The following MED14 variants were observed in gnomAD, a reference collection of about 807,000 sequenced individuals.
MED14 encodes the protein mediator of RNA polymerase II transcription subunit 14.
Under a neutral mutation model 109.0 loss-of-function variants are expected in MED14, and 8 were observed. That is an observed-to-expected ratio of 0.07 (90% confidence interval 0.04 to 0.13). MED14 has a LOEUF of 0.13. MED14 is among the 10% of genes least tolerant of loss of function. The pLI is 1.00. For missense variants in MED14, 711 were observed against 1,142.4 expected (o/e 0.62, Z 5.44); for synonymous variants, 399 against 408.7 (o/e 0.98, Z 0.29).
At chrX:40,693,386 G>A (rs1420498688) in intron 13 of MED14, among the ~76,000 whole-genome samples, 1 of 110,813 alleles carries the variant, frequency 9.0e-6, no homozygotes, top group Non-Finnish European at 1.9e-5. Context: ...TAGTGAATGG[G>A]TCTCACGAAA....
intron 3 of MED14, among the ~76,000 whole-genome samples, chrX:40,716,234 G>A (rs771650606): frequency 1.8e-5 from 2 of 110,954 alleles, no homozygotes; most frequent in Non-Finnish European, 3.8e-5. Context: ...GAACCCTCAC[G>A]CTGTTGGTGG....
At chrX:40,655,778 G>A (rs1433532661) in intron 28 of MED14, among the ~76,000 whole-genome samples, 1 of 111,702 alleles carries the variant, frequency 9.0e-6, no homozygotes, top group Non-Finnish European at 1.9e-5. Flanking sequence ...CAAATGTTGA[G>A]ACTATTAGCA....
rs562857879 is a variant in MED14, at chrX:40,676,262, C to T, written c.2881-901G>A. 2.6e-4 allele frequency among the ~76,000 whole-genome samples: 29 copies of T among 111,744 alleles called. No homozygotes were observed. The Middle Eastern group carries it at 0.019, about 72-fold the overall frequency. On this transcript the variant is annotated intron_variant, in intron 21 of 30. Transcript: ENST00000324817. ...TCCCACCACTGCGCTCCAGCCTGGGCGACAGAGTGAGACCCTGTCTCAAAA... is the reference window on the plus strand; with the variant it reads ...TCCCACCACTGCGCTCCAGCCTGGGTGACAGAGTGAGACCCTGTCTCAAAA...
chrX:40,668,120 C>T (rs958720894), intron 23 of MED14, among the ~76,000 whole-genome samples: 3 of 111,646 alleles, frequency 2.7e-5, no homozygotes, highest in African/African-American at 9.8e-5. Context: ...TGGTGGCTCA[C>T]GCCTGTAATC....
chrX:40,714,827 A>C, intron 3 of MED14, 117 bp from the exon 4 acceptor site: 1 of 642,968 alleles, frequency 1.6e-6, no homozygotes, highest in South Asian at 4.0e-5. Context: ...AGTTTTCCAT[A>C]TTTCAAAGTA....
At chrX:40,712,889 A>T in intron 6 of MED14, 25 bp downstream of exon 6, 1 of 1,118,978 alleles carries the variant, frequency 8.9e-7, no homozygotes, top group South Asian at 2.2e-5. Context: ...AATACTTATG[A>T]TTTAAATCAC....
intron 21 of MED14, among the ~76,000 whole-genome samples, chrX:40,676,349 T>TC (rs767552785): frequency 5.5e-4 from 62 of 111,755 alleles, no homozygotes; most frequent in Non-Finnish European, 1.1e-4. Flanking sequence ...TTGCATTCTT[T>TC]CCCCACTAAA....
chrX:40,667,760 A>G (rs937421726), intron 23 of MED14, among the ~76,000 whole-genome samples: 1 of 112,408 alleles, frequency 8.9e-6, no homozygotes, highest in African/African-American at 3.2e-5. Context: ...AAACAACTGC[A>G]ATAATTCAGG....
At chrX:40,686,287 A>T (rs1410367384) in intron 16 of MED14, among the ~76,000 whole-genome samples, 1 of 111,937 alleles carries the variant, frequency 8.9e-6, no homozygotes, top group African/African-American at 3.2e-5. Context: ...AGGAGACTGA[A>T]ATTTCTCTTG....
chrX:40,700,073 C>T (rs1049499500), intron 12 of MED14, among the ~76,000 whole-genome samples: 6 of 110,579 alleles, frequency 5.4e-5, no homozygotes, highest in Non-Finnish European at 1.1e-4. Flanking sequence ...CCCTTGAACC[C>T]GGGAGGGAGA....
chrX:40,650,846 C>T lies in MED14; in HGVS notation c.*960G>A. ...GCAAGATAAAGAAAGCTCACAGAAA[C>T]TTCATGCAGAGGTACAGCATTAAAG... On this transcript the variant is annotated 3_prime_UTR_variant, in exon 31 of 31. Transcript: ENST00000324817. The T allele has an allele frequency of 1.3e-6, 1 of 752,518 alleles. No individual in the cohort carries two copies. Among genetic ancestry groups the T allele is most frequent in the Non-Finnish European group, 1.6e-6 (1 of 637,558 alleles). The allele number at this position is 752,518 out of a possible 1,213,427, so 62.0% of individuals were successfully genotyped here. A position where few individuals can be genotyped will look rare whatever the true frequency, so the allele number is the denominator to read the frequency against.
intron 13 of MED14, 64 bp downstream of exon 13, chrX:40,696,960 T>A: frequency 1.1e-6 from 1 of 916,774 alleles, no homozygotes; most frequent in Non-Finnish European, 1.5e-6. Context: ...AAACAATAAG[T>A]CATTCAAGAT....
At chrX:40,729,199 A>C in intron 2 of MED14, 120 bp downstream of exon 2, 3 of 638,104 alleles carry the variant, frequency 4.7e-6, no homozygotes, top group Non-Finnish European at 7.2e-6. Flanking sequence ...GTGAAAAATC[A>C]TTCTAGACTC....
At chrX:40,663,222 T>G in intron 25 of MED14, 62 bp from the exon 26 acceptor site, 1 of 883,144 alleles carries the variant, frequency 1.1e-6, no homozygotes, top group South Asian at 2.3e-5. Flanking sequence ...TGCTTCCTGT[T>G]TTGCTTTCAT....
chrX:40,655,824 G>A (rs1373503079), intron 28 of MED14, among the ~76,000 whole-genome samples: 2 of 110,834 alleles, frequency 1.8e-5, no homozygotes, highest in Non-Finnish European at 3.8e-5. Context: ...ATAGTAAAAC[G>A]CTAACTAAAA....
At chrX:40,655,183 A>T (rs957957098) in intron 28 of MED14, 123 bp from the exon 29 acceptor site, 2 of 670,528 alleles carry the variant, frequency 3.0e-6, no homozygotes, top group African/African-American at 4.4e-5. Flanking sequence ...CATAAAGTTA[A>T]TAACTGCACT....
At chrX:40,719,646 G>A (rs1302908972) in intron 3 of MED14, among the ~76,000 whole-genome samples, 2 of 111,997 alleles carry the variant, frequency 1.8e-5, no homozygotes, top group Admixed American at 1.9e-4. Flanking sequence ...AGGGCTAGAG[G>A]AGAGCTGGGG....
chrX:40,697,886 T>C (rs2146684234), intron 12 of MED14, among the ~76,000 whole-genome samples: 1 of 112,156 alleles, frequency 8.9e-6, no homozygotes, highest in Non-Finnish European at 1.9e-5. Flanking sequence ...TACATTTGTG[T>C]GGCAAGTTGC....
At chrX:40,722,268 A>T (rs1175324672) in intron 3 of MED14, among the ~76,000 whole-genome samples, 1 of 112,132 alleles carries the variant, frequency 8.9e-6, no homozygotes, top group Non-Finnish European at 1.9e-5. Flanking sequence ...GATTGAAATA[A>T]TTTTTTTAAA....
Sources: allele counts gnomAD v4.1 joint callset (sites outside exome capture counted in the v4.1 genomes callset), GRCh38; gene constraint gnomAD v4.1.1; transcripts MANE v1.5; gene names NCBI Gene and HGNC (gene_info 2026-07-23, HGNC 2026-07-21).